DCAF11: variants seen among roughly 807,000 people sequenced by gnomAD.
The protein encoded by DCAF11 is DDB1 and CUL4 associated factor 11.
A neutral mutation model predicts 76.1 loss-of-function variants in DCAF11; 44 were observed. That is an observed-to-expected ratio of 0.58 (90% CI 0.45 to 0.74). The LOEUF is 0.74. DCAF11 is among the 30% of genes least tolerant of loss of function. DCAF11 has a pLI of 0.00. For missense variants in DCAF11, 604 were observed against 709.4 expected (o/e 0.85, Z 1.69); for synonymous variants, 258 against 255.0 (o/e 1.01, Z -0.11).
At position 24,121,239 on chromosome 14, in the gene DCAF11, A is replaced by G. The variant is rs898090052; in HGVS notation, c.1247-126A>G. ...TGTCCACTGACTATTAGGTGGAGAA[A>G]GAGCCACCACTTGAAGATTGGAAAG... is the stretch of plus-strand genomic sequence containing the variant. On this transcript the variant is annotated intron_variant, in intron 12 of 14. Coordinates refer to ENST00000446197, the MANE Select transcript of DCAF11 (RefSeq NM_025230.5). 9.8e-6 allele frequency: 13 copies of G among 1,320,882 alleles called. No homozygotes were observed. The African/African-American group carries it at 1.0e-4, about 10-fold the overall frequency. The allele number at this position is 1,320,882 out of a possible 1,614,324, so 81.8% of individuals were successfully genotyped here. A position where few individuals can be genotyped will look rare whatever the true frequency, so the allele number is the denominator to read the frequency against.
At position 24,123,212 on chromosome 14, in the gene DCAF11, C is replaced by G; in HGVS notation, c.1544C>G (p.Ala515Gly). 1 of 1,594,434 alleles carries G rather than the reference C, an allele frequency of 6.3e-7. No individual in the cohort carries two copies. The highest frequency in any genetic ancestry group is 8.6e-7 in the Non-Finnish European group (1 of 1,168,934). ...CTGCGTCTGTGGCAGTACCGCCAGGCTGAGTACTTCCAGGATGACATGCCA... is the reference window on the plus strand; with the variant it reads ...CTGCGTCTGTGGCAGTACCGCCAGGGTGAGTACTTCCAGGATGACATGCCA... ...GNLRLWQYRQAEYFQDDMPES... is the reference protein window; with the variant it reads ...GNLRLWQYRQGEYFQDDMPES... Residue 515 changes from alanine (A) to glycine (G), a missense_variant, in exon 15 of 15, where the codon GCT (alanine) becomes GGT (glycine). Physicochemically the swap from Ala to Gly is moderately conservative, Grantham distance 60 (BLOSUM62 0). Coordinates refer to ENST00000446197, the MANE Select transcript of DCAF11 (RefSeq NM_025230.5).
In DCAF11 at chr14:24,122,965, G is replaced by A. The variant is rs747315938; in HGVS notation, c.1400-6G>A. The A allele has an allele frequency of 6.8e-6, 11 of 1,613,652 alleles. No homozygotes were observed. Among genetic ancestry groups the A allele is most frequent in the Non-Finnish European group, 9.3e-6 (11 of 1,179,742 alleles). ...GTCCCTCTCCACTCTTGCCTGTCCT[G>A]GACAGTGTACGACCTTCTAAGTGGC... is the stretch of plus-strand genomic sequence containing the variant. On this transcript the variant is annotated splice_region_variant and splice_polypyrimidine_tract_variant and intron_variant, in intron 13 of 14. Transcript: ENST00000446197.
chr14:24,117,040 A>T lies in DCAF11; in HGVS notation c.279A>T (p.Pro93=). Residue 93 remains proline (P), a synonymous_variant, in exon 3 of 15, where the codon CCA becomes CCT. Coordinates refer to ENST00000446197, the MANE Select transcript of DCAF11 (RefSeq NM_025230.5). This position sits in a 1 kb window ranked among gnomAD's most constrained non-coding sequence, Gnocchi z 4.3. ...GTCGTCTTGGGGATCGATACAACCC[A>T]CCTGGTAAGAGGAAAAGCCCCTAAT... The part of the protein sequence containing the change: ...WDGRLGDRYN[P]PVDATPDTRE... 1 of 1,614,238 alleles carries T rather than the reference A, an allele frequency of 6.2e-7. No individual in the cohort carries two copies. Among genetic ancestry groups the T allele is most frequent in the Non-Finnish European group, 8.5e-7 (1 of 1,180,040 alleles).
chr14:24,115,471 A>C lies in DCAF11; in HGVS notation c.-124A>C. 1.8e-4 allele frequency: 247 copies of C among 1,383,558 alleles called. No individual in the cohort carries two copies. The highest frequency in any genetic ancestry group is 2.1e-4 in the Non-Finnish European group (214 of 1,026,176). 85.7% of individuals were successfully genotyped at this position (1,383,558 alleles called of 1,614,324 possible). A position where few individuals can be genotyped will look rare whatever the true frequency, so the allele number is the denominator to read the frequency against. On this transcript the variant is annotated 5_prime_UTR_variant, in exon 2 of 15. Transcript: ENST00000446197. ...AGCCCCGAGGAAGGGTCACCCTCCT[A>C]GAGATAGCTACTACCCCGTCTCAGG... is the stretch of plus-strand genomic sequence containing the variant.
In DCAF11 at chr14:24,119,965, G is replaced by A. The variant is rs147546500; in HGVS notation, c.1092+69G>A. The A allele has an allele frequency of 1.3e-3, 1,934 of 1,474,010 alleles. 27 individuals carry two copies. In the African/African-American group the frequency reaches 0.023, roughly 18 times the overall value. 91.3% of individuals were successfully genotyped at this position (1,474,010 alleles called of 1,614,324 possible). A position where few individuals can be genotyped will look rare whatever the true frequency, so the allele number is the denominator to read the frequency against. Reference sequence around the variant, plus strand: ...TAGTTGCCCAGGAGGGCATGAAAGCGGACTGGTGTGGGAATTTGACAAGCT... The same window carrying A: ...TAGTTGCCCAGGAGGGCATGAAAGCAGACTGGTGTGGGAATTTGACAAGCT... On this transcript the variant is annotated intron_variant, in intron 11 of 14. Coordinates refer to ENST00000446197, the MANE Select transcript of DCAF11 (RefSeq NM_025230.5).
chr14:24,118,926 A>G lies in DCAF11; in HGVS notation c.779+122A>G, dbSNP rs1004264396. 5 of 1,234,034 alleles carry G rather than the reference A, an allele frequency of 4.1e-6. No homozygotes were observed. The African/African-American group carries it at 6.0e-5, about 15-fold the overall frequency. The allele number at this position is 1,234,034 out of a possible 1,614,324, so 76.4% of individuals were successfully genotyped here. On this transcript the variant is annotated intron_variant, in intron 8 of 14. Transcript: ENST00000446197. Reference sequence around the variant, plus strand: ...AAAGTATACTGGTGGGTCTGTGTGCATTCCTGGGAGGGAAGCACCATCTTG... The same window carrying G: ...AAAGTATACTGGTGGGTCTGTGTGCGTTCCTGGGAGGGAAGCACCATCTTG...
Position 24,115,429 on chromosome 14 carries a change from T to C in DCAF11, c.-166T>C. ...CGACGCCTTGGTAGTTGGCATAGGC[T>C]AAAGAAAAGGGATCTCAGCCCCGAG... On this transcript the variant is annotated 5_prime_UTR_variant, in exon 2 of 15. Transcript: ENST00000446197. The C allele has an allele frequency of 6.1e-6, 6 of 982,808 alleles. No homozygotes were observed. The highest frequency in any genetic ancestry group is 8.7e-6 in the Non-Finnish European group (6 of 693,250). The allele number at this position is 982,808 out of a possible 1,614,324, so 60.9% of individuals were successfully genotyped here. A position where few individuals can be genotyped will look rare whatever the true frequency, so the allele number is the denominator to read the frequency against.
Position 24,115,124 on chromosome 14 carries a change from G to T in DCAF11, c.-383G>T. 1 of 599,088 alleles carries T rather than the reference G, an allele frequency of 1.7e-6. No individual in the cohort carries two copies. The highest frequency in any genetic ancestry group is 2.1e-6 in the Non-Finnish European group (1 of 476,286). 37.1% of individuals were successfully genotyped at this position (599,088 alleles called of 1,614,324 possible). A position where few individuals can be genotyped will look rare whatever the true frequency, so the allele number is the denominator to read the frequency against. On this transcript the variant is annotated 5_prime_UTR_variant, in exon 1 of 15. Transcript: ENST00000446197. ...GGGGGCGCTCTGATTGGTCGATAAG[G>T]TGGGGGCGTCGAGGGTCTTTGAGTC...
Position 24,123,348 on chromosome 14 carries a change from A to C in DCAF11, c.*39A>C. ...CCCCATATAGGGTGAACCTCTTGAT[A>C]AGCTCTCTGCCTCCTCCTCCCTTTC... On this transcript the variant is annotated 3_prime_UTR_variant, in exon 15 of 15. Transcript: ENST00000446197. 5 of 1,503,928 alleles carry C rather than the reference A, an allele frequency of 3.3e-6. No homozygotes were observed. In the South Asian group the frequency reaches 6.8e-5, roughly 21 times the overall value. The allele number at this position is 1,503,928 out of a possible 1,614,324, so 93.2% of individuals were successfully genotyped here. A position where few individuals can be genotyped will look rare whatever the true frequency, so the allele number is the denominator to read the frequency against.
intron 2 of DCAF11, 143 bp downstream of exon 2, chr14:24,115,892 G>GAGTGCCATGGGTGCCCAGCA: frequency 9.4e-7 from 1 of 1,066,848 alleles, no homozygotes; most frequent in Non-Finnish European, 1.3e-6. Context: ...TTTCCCTGCT[G>GAGTGCCATGGGTGCCCAGCA]GGCACCCATG....
intron 2 of DCAF11, among the ~76,000 whole-genome samples, chr14:24,116,593 T>C (rs537761647): frequency 1.3e-5 from 2 of 152,104 alleles, no homozygotes; most frequent in South Asian, 4.1e-4. Flanking sequence ...ATGTTTAGCT[T>C]GTTGGGAGGT....
At position 24,118,258 on chromosome 14, in the gene DCAF11, G is replaced by A. The variant is rs2037619676; in HGVS notation, c.577+103G>A. 3 of 1,567,286 alleles carry A rather than the reference G, an allele frequency of 1.9e-6. No homozygotes were observed. In the South Asian group the frequency reaches 3.3e-5, roughly 17 times the overall value. ...GACGGGGAGCTCAGACCTGGCTTAAGGATGCTTAGCCAGACCATGTTTCCC... is the reference window on the plus strand; with the variant it reads ...GACGGGGAGCTCAGACCTGGCTTAAAGATGCTTAGCCAGACCATGTTTCCC... On this transcript the variant is annotated intron_variant, in intron 6 of 14. Transcript: ENST00000446197.
At chr14:24,115,787 C>T (rs748818607) in intron 2 of DCAF11, 38 bp downstream of exon 2, 4 of 1,596,832 alleles carry the variant, frequency 2.5e-6, no homozygotes, top group Admixed American at 1.7e-5. Context: ...GCAGGTGCTA[C>T]CACAGTGCCT....
chr14:24,119,396 C>A, intron 9 of DCAF11, 163 bp from the exon 10 acceptor site: 2 of 1,195,686 alleles, frequency 1.7e-6, no homozygotes, highest in Non-Finnish European at 2.4e-6. Context: ...TTGGAGGTGT[C>A]AAGCCTCCTT....
intron 6 of DCAF11, 30 bp from the exon 7 acceptor site, chr14:24,118,358 C>A: frequency 6.2e-7 from 1 of 1,612,550 alleles, no homozygotes; most frequent in Non-Finnish European, 8.5e-7. Flanking sequence ...GAAACTGTCC[C>A]ATAATTCTGC....
intron 9 of DCAF11, 134 bp from the exon 10 acceptor site, chr14:24,119,425 C>T: frequency 4.0e-6 from 5 of 1,265,118 alleles, no homozygotes; most frequent in Non-Finnish European, 4.5e-6. Context: ...GCTAACTCTT[C>T]CCCCACTTCC....
In DCAF11 at chr14:24,117,162, C is replaced by T; in HGVS notation, c.284-104C>T. 2 of 1,602,126 alleles carry T rather than the reference C, an allele frequency of 1.2e-6. No individual in the cohort carries two copies. Among genetic ancestry groups the T allele is most frequent in the Non-Finnish European group, 1.7e-6 (2 of 1,172,236 alleles). ...TAATTTAAGGAATAAGGAGTCCTTACAGCCCCAGTATATTCAGCCACAGGG... is the reference window on the plus strand; with the variant it reads ...TAATTTAAGGAATAAGGAGTCCTTATAGCCCCAGTATATTCAGCCACAGGG... On this transcript the variant is annotated intron_variant, in intron 3 of 14. Transcript: ENST00000446197. This position sits in a 1 kb window ranked among gnomAD's most constrained non-coding sequence, Gnocchi z 4.3.
In DCAF11 at chr14:24,115,502, C is replaced by T. The variant is rs1447956977; in HGVS notation, c.-93C>T. On this transcript the variant is annotated 5_prime_UTR_variant, in exon 2 of 15. Transcript: ENST00000446197. Reference sequence around the variant, plus strand: ...AGCTACTACCCCGTCTCAGGAGACCCTGGTATTTCTAGAGCACGCTTTGCT... The same window carrying T: ...AGCTACTACCCCGTCTCAGGAGACCTTGGTATTTCTAGAGCACGCTTTGCT... 13 of 1,505,092 alleles carry T rather than the reference C, an allele frequency of 8.6e-6. No homozygotes were observed. Among genetic ancestry groups the T allele is most frequent in the African/African-American group, 2.8e-5 (2 of 71,512 alleles). 93.2% of individuals were successfully genotyped at this position (1,505,092 alleles called of 1,614,324 possible).
Position 24,117,158 on chromosome 14 carries a change from C to T in DCAF11, c.284-108C>T. 4 of 1,603,422 alleles carry T rather than the reference C, an allele frequency of 2.5e-6. No individual in the cohort carries two copies. Among genetic ancestry groups the T allele is most frequent in the Non-Finnish European group, 3.4e-6 (4 of 1,173,320 alleles). On this transcript the variant is annotated intron_variant, in intron 3 of 14. Transcript: ENST00000446197. The surrounding 1 kb of genome is among the most constrained non-coding windows in gnomAD (Gnocchi z 4.3). Reference sequence around the variant, plus strand: ...ACGATAATTTAAGGAATAAGGAGTCCTTACAGCCCCAGTATATTCAGCCAC... The same window carrying T: ...ACGATAATTTAAGGAATAAGGAGTCTTTACAGCCCCAGTATATTCAGCCAC...
Sources: gnomAD v4.1 joint callset for allele counts (sites outside exome capture counted in the v4.1 genomes callset) on GRCh38, gnomAD v4.1.1 for gene constraint, Gnocchi (gnomAD v3.1) non-coding constraint, MANE v1.5 for transcripts, NCBI Gene and HGNC (gene_info 2026-07-23, HGNC 2026-07-21) for gene names.